ADGRB3: variants seen among roughly 807,000 people sequenced by gnomAD.
The protein encoded by ADGRB3 is brain-specific angiogenesis inhibitor 3.
In ADGRB3, 37 loss-of-function variants were observed where a neutral mutation model predicts 193.4. The ratio of observed to expected loss-of-function variants is 0.19; its 90% CI spans 0.15 to 0.25. The LOEUF is 0.25. Among genes scored for constraint, ADGRB3 ranks in the 10% least tolerant of loss-of-function variants. The probability of loss-of-function intolerance (pLI) is 1.00; values close to 1 mark genes in which losing one functional copy is unlikely to be tolerated. For synonymous variants in ADGRB3, 690 were observed against 644.2 expected (o/e 1.07, Z -1.08); for missense variants, 1,637 against 1,852.9 (o/e 0.88, Z 2.14).
chr6:68,956,033 A>T lies in ADGRB3; in HGVS notation c.1205A>T (p.Gln402Leu), dbSNP rs143634200. The stretch of plus-strand genomic sequence containing the variant: ...TTTTCTGCTTTGGTAGTTGATGGAC[A>T]GTGGCAAGAGTGGAGTTCGTGGAGC... Reference protein sequence around the residue: ...CNIALCPVDGQWQEWSSWSQC... With the variant: ...CNIALCPVDGLWQEWSSWSQC... The change falls in exon 7 of 32, where the codon CAG (glutamine) becomes CTG (leucine). Residue 402 changes from glutamine (Q) to leucine (L), a missense_variant. Physicochemically the swap from Gln to Leu is moderately radical, Grantham distance 113 (BLOSUM62 -2). This residue lies in a region of ADGRB3 where 641 missense variants were observed against 673.9 expected (regional missense o/e 0.95). Transcript: ENST00000370598. 276 of 1,613,254 alleles carry T rather than the reference A, an allele frequency of 1.7e-4. No individual in the cohort carries two copies. The highest frequency in any genetic ancestry group is 2.3e-4 in the Non-Finnish European group (269 of 1,179,748).
intron 3 of ADGRB3, among the ~76,000 whole-genome samples, chr6:68,873,557 T>C (rs1336286488): frequency 6.6e-6 from 1 of 152,090 alleles, no homozygotes; most frequent in African/African-American, 2.4e-5. Context: ...TTAAAAATGG[T>C]GAGTAAAGAT....
intron 17 of ADGRB3, among the ~76,000 whole-genome samples, chr6:69,079,189 G>T (rs114598541): frequency 0.011 from 1,621 of 152,076 alleles, 32 homozygotes; most frequent in Middle Eastern, 0.031. Flanking sequence ...AACATCTTTA[G>T]ACAATTTAGA....
chr6:69,255,787 TCCTGAATGG>T (rs1433934924), intron 20 of ADGRB3, among the ~76,000 whole-genome samples: 1 of 152,206 alleles, frequency 6.6e-6, no homozygotes, highest in Non-Finnish European at 1.5e-5. Flanking sequence ...CATGCCTATG[TCCTGAATGG>T]TAATGCCTAG....
At chr6:69,339,537 T>A in intron 26 of ADGRB3, 33 bp downstream of exon 26, 1 of 1,587,292 alleles carries the variant, frequency 6.3e-7, no homozygotes, top group South Asian at 1.1e-5. Flanking sequence ...AGAACAGTGA[T>A]GGTTGGAATG....
At chr6:68,662,941 A>G (rs1054387920) in intron 3 of ADGRB3, among the ~76,000 whole-genome samples, 1 of 150,746 alleles carries the variant, frequency 6.6e-6, no homozygotes, top group African/African-American at 2.4e-5. Flanking sequence ...AATATATAGT[A>G]TAAGTTTTTT....
Position 68,910,428 on chromosome 6 carries a change from A to G in ADGRB3, c.758-20131A>G, listed in dbSNP as rs537984274. Among the ~76,000 whole-genome samples, 5 of 152,200 alleles carry G rather than the reference A, an allele frequency of 3.3e-5. No homozygotes were observed. In the East Asian group the frequency reaches 9.6e-4, roughly 29 times the overall value. On this transcript the variant is annotated intron_variant, in intron 3 of 31. Coordinates refer to ENST00000370598, the MANE Select transcript of ADGRB3 (RefSeq NM_001704.3). ...TAGTTTAATTAGATCCCATTTGTCAATTTTGGCTTTTGTTGCCATTGCTTT... is the reference window on the plus strand; with the variant it reads ...TAGTTTAATTAGATCCCATTTGTCAGTTTTGGCTTTTGTTGCCATTGCTTT...
intron 3 of ADGRB3, among the ~76,000 whole-genome samples, chr6:68,765,537 GAC>G (rs59919588): frequency 0.13 from 19,030 of 143,380 alleles, 1,260 homozygotes; most frequent in Middle Eastern, 0.19. Context: ...TATTCTTATA[GAC>G]ACACACACAC....
At chr6:68,905,426 A>G (rs1006637617) in intron 3 of ADGRB3, among the ~76,000 whole-genome samples, 3 of 152,176 alleles carry the variant, frequency 2.0e-5, no homozygotes, top group Non-Finnish European at 2.9e-5. Flanking sequence ...TTTTCTATCC[A>G]TCGGGATTGA....
chr6:68,862,019 G>A (rs1040857349), intron 3 of ADGRB3, among the ~76,000 whole-genome samples: 13 of 151,990 alleles, frequency 8.6e-5, no homozygotes, highest in South Asian at 2.1e-4. Flanking sequence ...CTTGCTTCTC[G>A]GGAGCAAGTC....
At chr6:68,871,608 A>G (rs180765631) in intron 3 of ADGRB3, among the ~76,000 whole-genome samples, 73 of 152,180 alleles carry the variant, frequency 4.8e-4, no homozygotes, top group Non-Finnish European at 8.8e-4. Context: ...CATAATTTGT[A>G]TTTTAAGTTG....
intron 3 of ADGRB3, among the ~76,000 whole-genome samples, chr6:68,838,361 G>T (rs1475529294): frequency 1.3e-5 from 2 of 152,056 alleles, no homozygotes; most frequent in Middle Eastern, 3.2e-3. Flanking sequence ...AGCTCCTGAG[G>T]TTATATGCAG....
intron 3 of ADGRB3, among the ~76,000 whole-genome samples, chr6:68,855,343 C>G (rs941264773): frequency 6.6e-6 from 1 of 152,066 alleles, no homozygotes; most frequent in Non-Finnish European, 1.5e-5. Flanking sequence ...GTCCTTATGA[C>G]AGTCTACCAA....
At chr6:69,379,110 A>T (rs975210464) in intron 30 of ADGRB3, among the ~76,000 whole-genome samples, 1 of 152,042 alleles carries the variant, frequency 6.6e-6, no homozygotes, top group Non-Finnish European at 1.5e-5. Context: ...GCAAGGAAAC[A>T]TTATCATGCT....
chr6:69,016,433 A>T (rs1770094889), intron 12 of ADGRB3, among the ~76,000 whole-genome samples: 1 of 151,984 alleles, frequency 6.6e-6, no homozygotes, highest in African/African-American at 2.4e-5. Flanking sequence ...GTAAACGGTA[A>T]CTAGTTCTGA....
intron 3 of ADGRB3, among the ~76,000 whole-genome samples, chr6:68,844,140 G>A (rs1201546961): frequency 6.6e-6 from 1 of 152,038 alleles, no homozygotes; most frequent in Non-Finnish European, 1.5e-5. Context: ...TACCCCACAA[G>A]TAGAGGCAAC....
chr6:69,337,067 A>C (rs1768864989), intron 24 of ADGRB3, among the ~76,000 whole-genome samples: 1 of 152,194 alleles, frequency 6.6e-6, no homozygotes, highest in African/African-American at 2.4e-5. Context: ...TAATGGCTTA[A>C]AATTTATTTT....
chr6:69,362,825 T>C (rs1769481709), intron 29 of ADGRB3, among the ~76,000 whole-genome samples: 2 of 152,002 alleles, frequency 1.3e-5, no homozygotes, highest in Non-Finnish European at 2.9e-5. Context: ...TCCCAGAGAC[T>C]TCCAGGTTTG....
chr6:68,650,338 G>GTT (rs567612272), intron 3 of ADGRB3, among the ~76,000 whole-genome samples: 1 of 150,998 alleles, frequency 6.6e-6, no homozygotes, highest in African/African-American at 2.4e-5. Flanking sequence ...TTATCTGTTG[G>GTT]TTTTTTTTTA....
rs145016943 is a variant in ADGRB3, at chr6:68,772,947, AAAT to A, written c.757+133518_757+133520del. Reference sequence around the variant, plus strand: ...TATATATATATACATACACACACAAAAATAAAAAATAAAAATAAAATAGACAGG... The same window carrying A: ...TATATATATATACATACACACACAAAAAAAAATAAAAATAAAATAGACAGG... On this transcript the variant is annotated intron_variant, in intron 3 of 31. Coordinates refer to ENST00000370598, the MANE Select transcript of ADGRB3 (RefSeq NM_001704.3). Among the ~76,000 whole-genome samples the A allele has an allele frequency of 2.7e-4, 13 of 48,090 alleles. No homozygotes were observed. In the East Asian group the frequency reaches 8.9e-3, roughly 33 times the overall value. 31.5% of individuals were successfully genotyped at this position (48,090 alleles called of 152,430 possible). A position where few individuals can be genotyped will look rare whatever the true frequency, so the allele number is the denominator to read the frequency against.
Sources: gnomAD v4.1 joint callset for allele counts (sites outside exome capture counted in the v4.1 genomes callset) on GRCh38, gnomAD v4.1.1 for gene constraint, gnomAD v4.1.1 regional missense constraint, MANE v1.5 for transcripts, NCBI Gene and HGNC (gene_info 2026-07-23, HGNC 2026-07-21) for gene names.